Variants in SLC5A1 observed in about 807,000 individuals in gnomAD.
The protein encoded by SLC5A1 is sodium/glucose cotransporter 1.
SLC5A1 carries 42 observed loss-of-function variants against 73.5 expected under a neutral mutation model. The observed-to-expected ratio is 0.57, with a 90% CI of 0.45 to 0.74. The LOEUF is 0.74. Among genes scored for constraint, SLC5A1 ranks in the 30% least tolerant of loss-of-function variants. SLC5A1 has a pLI of 0.00. For synonymous variants in SLC5A1, 300 were observed against 317.4 expected (o/e 0.95, Z 0.58); for missense variants, 634 against 855.4 (o/e 0.74, Z 3.23).
intron 14 of SLC5A1, among the ~76,000 whole-genome samples, chr22:32,106,067 A>G (rs1196662052): frequency 1.3e-5 from 2 of 152,192 alleles, no homozygotes; most frequent in East Asian, 1.9e-4. Context: ...ATATCTCTTC[A>G]ATATACTAAT....
intron 11 of SLC5A1, among the ~76,000 whole-genome samples, chr22:32,097,486 A>G (rs906186491): frequency 1.3e-5 from 2 of 152,196 alleles, no homozygotes; most frequent in African/African-American, 4.8e-5. Flanking sequence ...CACAAATAAG[A>G]AGAGCTTGCA....
chr22:32,102,800 C>CT (rs1336257347), intron 13 of SLC5A1, among the ~76,000 whole-genome samples: 1 of 152,132 alleles, frequency 6.6e-6, no homozygotes. Flanking sequence ...CTTTTAGCTC[C>CT]TATATATGGT....
chr22:32,099,417 T>C, intron 12 of SLC5A1, 66 bp downstream of exon 12: 4 of 1,411,738 alleles, frequency 2.8e-6, no homozygotes, highest in Non-Finnish European at 4.0e-6. Context: ...TGGGTTTGCA[T>C]ATTCTCTGTG....
intron 2 of SLC5A1, among the ~76,000 whole-genome samples, chr22:32,062,847 G>C (rs1358564467): frequency 6.6e-6 from 1 of 152,152 alleles, no homozygotes; most frequent in African/African-American, 2.4e-5. Context: ...ATAAAACAAT[G>C]GTGTCTGTCT....
At chr22:32,109,728 T>C (rs2094052791) in intron 14 of SLC5A1, among the ~76,000 whole-genome samples, 1 of 152,156 alleles carries the variant, frequency 6.6e-6, no homozygotes, top group South Asian at 2.1e-4. Flanking sequence ...TGAATTTGCA[T>C]TGGGCCTGAT....
chr22:32,101,761 T>C (rs1025465547), intron 12 of SLC5A1, among the ~76,000 whole-genome samples: 2 of 152,162 alleles, frequency 1.3e-5, no homozygotes, highest in African/African-American at 4.8e-5. Flanking sequence ...TTTACCCCAT[T>C]ATATTATGGC....
intron 5 of SLC5A1, among the ~76,000 whole-genome samples, chr22:32,075,413 T>G (rs553542451): frequency 6.6e-6 from 1 of 152,250 alleles, no homozygotes; most frequent in South Asian, 2.1e-4. Flanking sequence ...GGATAGATCA[T>G]GTGGTCTTAT....
intron 5 of SLC5A1, among the ~76,000 whole-genome samples, chr22:32,081,545 C>G (rs1360423713): frequency 6.6e-6 from 1 of 152,132 alleles, no homozygotes; most frequent in Non-Finnish European, 1.5e-5. Context: ...TGCAAGGAAC[C>G]TCTAAGTGTT....
intron 1 of SLC5A1, among the ~76,000 whole-genome samples, chr22:32,045,315 T>C (rs2093935758): frequency 6.6e-6 from 1 of 152,254 alleles, no homozygotes; most frequent in Non-Finnish European, 1.5e-5. Flanking sequence ...TTTACATGTT[T>C]CAAGTATCTG....
At chr22:32,069,914 AG>A (rs1483296235) in intron 5 of SLC5A1, among the ~76,000 whole-genome samples, 1 of 152,194 alleles carries the variant, frequency 6.6e-6, no homozygotes, top group Non-Finnish European at 1.5e-5. Flanking sequence ...AGTAGAATCC[AG>A]GTCTCCGATT....
chr22:32,102,346 T>A, intron 13 of SLC5A1, 109 bp downstream of exon 13: 1 of 807,574 alleles, frequency 1.2e-6, no homozygotes, highest in Non-Finnish European at 2.1e-6. Context: ...TGTATATAAT[T>A]ATGGGGTACA....
chr22:32,101,897 A>G, intron 12 of SLC5A1, 125 bp from the exon 13 acceptor site: 1 of 755,284 alleles, frequency 1.3e-6, no homozygotes, highest in Non-Finnish European at 2.4e-6. Flanking sequence ...GGGTTCAGAC[A>G]GCCTGGAGCT....
At chr22:32,066,720 C>T (rs1478231027) in intron 2 of SLC5A1, among the ~76,000 whole-genome samples, 1 of 152,250 alleles carries the variant, frequency 6.6e-6, no homozygotes. Flanking sequence ...ACTGCTCCTT[C>T]TCCAATCCTC....
intron 2 of SLC5A1, among the ~76,000 whole-genome samples, chr22:32,056,601 C>T (rs1350051357): frequency 2.0e-5 from 3 of 152,064 alleles, no homozygotes; most frequent in Non-Finnish European, 4.4e-5. Flanking sequence ...TTAAGGACCA[C>T]TATTGGAGGA....
At chr22:32,056,437 C>CTTTTTTTTTTT (rs35843263) in intron 2 of SLC5A1, among the ~76,000 whole-genome samples, 1 of 121,618 alleles carries the variant, frequency 8.2e-6, no homozygotes, top group Non-Finnish European at 1.7e-5. Context: ...ACCTTCCTGT[C>CTTTTTTTTTTT]TTTTTTTTTT....
intron 5 of SLC5A1, among the ~76,000 whole-genome samples, chr22:32,073,031 TA>T (rs1404876260): frequency 6.6e-5 from 10 of 152,242 alleles, no homozygotes; most frequent in African/African-American, 2.2e-4. Context: ...ACAAAGGTTT[TA>T]AATCTTGGTG....
At position 32,103,711 on chromosome 22, in the gene SLC5A1, A is replaced by G. The variant is rs140178670; in HGVS notation, c.1666-1075A>G. ...CAGTCTACTCAGGGAAACCCAAAAT[A>G]TAGTTTGCCTCTTGATTTTTTTTTC... On this transcript the variant is annotated intron_variant, in intron 13 of 14. Coordinates refer to ENST00000266088, the MANE Select transcript of SLC5A1 (RefSeq NM_000343.4). 3.3e-5 allele frequency among the ~76,000 whole-genome samples: 5 copies of G among 152,370 alleles called. No homozygotes were observed. In the East Asian group the frequency reaches 7.7e-4, roughly 24 times the overall value.
chr22:32,084,487 A>G lies in SLC5A1; in HGVS notation c.713A>G (p.Lys238Arg). 1 of 1,614,244 alleles carries G rather than the reference A, an allele frequency of 6.2e-7. No individual in the cohort carries two copies. The highest frequency in any genetic ancestry group is 1.3e-5 in the African/African-American group (1 of 75,068). Residue 238 changes from lysine to arginine, a missense_variant, in exon 8 of 15, where the codon AAA becomes AGA. By Grantham distance (26) the Lys-to-Arg change is conservative. Transcript: ENST00000266088. ...GACGCCTTCATGGAAAAGTACATGA[A>G]AGCCATTCCAACCATAGTGTCTGAT... ...GYDAFMEKYM[K>R]AIPTIVSDGN...
At position 32,050,032 on chromosome 22, in the gene SLC5A1, TG is replaced by T. The variant is rs753489070; in HGVS notation, c.207+19del. 1 of 1,607,038 alleles carries T rather than the reference TG, an allele frequency of 6.2e-7. No homozygotes were observed. Among genetic ancestry groups the T allele is most frequent in the Non-Finnish European group, 8.5e-7 (1 of 1,173,504 alleles). On this transcript the variant is annotated intron_variant, in intron 2 of 14. Transcript: ENST00000266088. ...GGTGGCCGGTAAGTTTTCTCTGAAATGCTATTTACATAACTGCTTAACTGAT... is the reference window on the plus strand; with the variant it reads ...GGTGGCCGGTAAGTTTTCTCTGAAATCTATTTACATAACTGCTTAACTGAT...
Sources: gnomAD v4.1 joint callset for allele counts (sites outside exome capture counted in the v4.1 genomes callset) on GRCh38, gnomAD v4.1.1 for gene constraint, MANE v1.5 for transcripts, NCBI Gene and HGNC (gene_info 2026-07-23, HGNC 2026-07-21) for gene names.